CNTNAP2: variants seen among roughly 807,000 people sequenced by gnomAD.
CNTNAP2 encodes contactin associated protein 2, also known as contactin-associated protein-like 2.
Under a neutral mutation model 155.2 loss-of-function variants are expected in CNTNAP2, and 98 were observed. The ratio of observed to expected loss-of-function variants is 0.63; its 90% CI spans 0.54 to 0.75. CNTNAP2 has a LOEUF of 0.75. CNTNAP2 is among the 30% of genes least tolerant of loss of function. The pLI is 0.00. For missense variants in CNTNAP2, 1,727 were observed against 1,688.1 expected, an observed-to-expected ratio of 1.02 and a Z score of -0.40; for synonymous variants, 651 against 631.2, an observed-to-expected ratio of 1.03 and a Z score of -0.47.
In CNTNAP2 at chr7:148,040,841, A is replaced by AT. The variant is rs59433735; in HGVS notation, c.2383+62863dup. 6.3e-3 allele frequency among the ~76,000 whole-genome samples: 940 copies of AT among 149,868 alleles called. 12 individuals carry two copies. Among genetic ancestry groups the AT allele is most frequent in the African/African-American group, 0.021 (877 of 40,910 alleles). ...TAGGTAGGAAATGGAAAGAGAGCAA[A>AT]TTTTTTTTTTTAAGAGGCAGCTGGG... On this transcript the variant is annotated intron_variant, in intron 15 of 23. Transcript: ENST00000361727.
At chr7:148,220,691 T>C (rs1259333066) in intron 19 of CNTNAP2, among the ~76,000 whole-genome samples, 5 of 152,122 alleles carry the variant, frequency 3.3e-5, no homozygotes, top group Non-Finnish European at 5.9e-5. Flanking sequence ...TGGATGATTT[T>C]TTTTTCTCCT....
chr7:147,686,621 T>A (rs1443522421), intron 13 of CNTNAP2, among the ~76,000 whole-genome samples: 1 of 151,856 alleles, frequency 6.6e-6, no homozygotes, highest in Non-Finnish European at 1.5e-5. Context: ...TCATAGTTTG[T>A]AGAGATGAGA....
chr7:146,689,066 C>T (rs1800652664), intron 1 of CNTNAP2, among the ~76,000 whole-genome samples: 1 of 152,112 alleles, frequency 6.6e-6, no homozygotes, highest in African/African-American at 2.4e-5. Flanking sequence ...AAAGTCTCTT[C>T]ATATCAGAAT....
intron 13 of CNTNAP2, among the ~76,000 whole-genome samples, chr7:147,880,323 T>A (rs1799497297): frequency 6.6e-6 from 1 of 152,190 alleles, no homozygotes; most frequent in Non-Finnish European, 1.5e-5. Context: ...TTTGGGCTAT[T>A]AACAGAGGTC....
intron 8 of CNTNAP2, among the ~76,000 whole-genome samples, chr7:147,181,916 G>A (rs1274915929): frequency 2.0e-5 from 3 of 152,026 alleles, no homozygotes. Context: ...CACTAGGTCA[G>A]TAGTTCGAGA....
intron 21 of CNTNAP2, among the ~76,000 whole-genome samples, chr7:148,326,827 T>C (rs1393240254): frequency 6.7e-6 from 1 of 149,066 alleles, no homozygotes; most frequent in African/African-American, 2.5e-5. Flanking sequence ...ATCGTGCCAC[T>C]GCTCTCCAGC....
chr7:148,096,961 T>C (rs1803984977), intron 15 of CNTNAP2, among the ~76,000 whole-genome samples: 1 of 152,148 alleles, frequency 6.6e-6, no homozygotes, highest in East Asian at 1.9e-4. Context: ...CTGACCTTCC[T>C]ATAATATAAA....
chr7:148,182,224 C>T (rs774993755), intron 18 of CNTNAP2, among the ~76,000 whole-genome samples: 5 of 152,138 alleles, frequency 3.3e-5, no homozygotes, highest in Non-Finnish European at 7.3e-5. Flanking sequence ...TTTATCTTTT[C>T]CCACATATTA....
At chr7:147,379,641 T>G (rs1254510315) in intron 9 of CNTNAP2, among the ~76,000 whole-genome samples, 10 of 152,212 alleles carry the variant, frequency 6.6e-5, no homozygotes, top group African/African-American at 2.4e-4. Context: ...TCATTTTTTT[T>G]GGAAAAAGAT....
At chr7:146,607,004 G>T (rs1799058802) in intron 1 of CNTNAP2, among the ~76,000 whole-genome samples, 1 of 152,030 alleles carries the variant, frequency 6.6e-6, no homozygotes, top group Admixed American at 6.6e-5. Flanking sequence ...TTTTTATTTT[G>T]CTATTATGAG....
chr7:146,299,163 T>G (rs1452445645), intron 1 of CNTNAP2, among the ~76,000 whole-genome samples: 1 of 151,860 alleles, frequency 6.6e-6, no homozygotes, highest in Non-Finnish European at 1.5e-5. Context: ...CCCAGCTACT[T>G]GGGAGGGTGA....
intron 1 of CNTNAP2, among the ~76,000 whole-genome samples, chr7:146,322,194 T>C (rs1369473014): frequency 8.5e-5 from 13 of 152,156 alleles, no homozygotes. Flanking sequence ...TCTAGTGACA[T>C]GCATGTTAGG....
intron 1 of CNTNAP2, among the ~76,000 whole-genome samples, chr7:146,451,905 A>T (rs1584931901): frequency 1.1e-5 from 1 of 87,582 alleles, no homozygotes; most frequent in South Asian, 2.5e-4. Flanking sequence ...TTATTTATTT[A>T]TTATTTATTT....
At chr7:146,509,216 A>G (rs768397251) in intron 1 of CNTNAP2, among the ~76,000 whole-genome samples, 5 of 152,126 alleles carry the variant, frequency 3.3e-5, no homozygotes, top group Non-Finnish European at 7.4e-5. Flanking sequence ...AGTTTCTGGT[A>G]TTTCTCTGGC....
At chr7:147,577,483 G>T (rs1014404160) in intron 12 of CNTNAP2, among the ~76,000 whole-genome samples, 1 of 151,696 alleles carries the variant, frequency 6.6e-6, no homozygotes, top group Non-Finnish European at 1.5e-5. Context: ...ACCTTCCATT[G>T]CTCTCTAAAT....
At chr7:147,745,784 C>A (rs1797031425) in intron 13 of CNTNAP2, among the ~76,000 whole-genome samples, 1 of 152,202 alleles carries the variant, frequency 6.6e-6, no homozygotes. Context: ...CAGGGGCATG[C>A]AATGAATCAA....
At chr7:148,213,071 G>A (rs1045530401) in intron 18 of CNTNAP2, among the ~76,000 whole-genome samples, 10 of 152,104 alleles carry the variant, frequency 6.6e-5, no homozygotes, top group African/African-American at 1.9e-4. Context: ...GCTGATAAAC[G>A]CATCATGTCT....
In CNTNAP2 at chr7:147,555,960, A is replaced by T. The variant is rs1485288286; in HGVS notation, c.1778-6178A>T. ...CAATTCATGCCTGTTACTTGTCTTT[A>T]CTCTTAAACCTTTTGCTTTTCTCTT... is the stretch of plus-strand genomic sequence containing the variant. On this transcript the variant is annotated intron_variant, in intron 11 of 23. Coordinates refer to ENST00000361727, the MANE Select transcript of CNTNAP2 (RefSeq NM_014141.6). 4.6e-5 allele frequency among the ~76,000 whole-genome samples: 7 copies of T among 152,082 alleles called. No individual in the cohort carries two copies. In the East Asian group the frequency reaches 1.4e-3, roughly 30 times the overall value.
chr7:147,710,827 T>C (rs1796391199), intron 13 of CNTNAP2, among the ~76,000 whole-genome samples: 1 of 152,198 alleles, frequency 6.6e-6, no homozygotes, highest in South Asian at 2.1e-4. Flanking sequence ...ACTGTGGTTG[T>C]GGACATGCTT....
Sources: allele counts gnomAD v4.1 joint callset (sites outside exome capture counted in the v4.1 genomes callset), GRCh38; gene constraint gnomAD v4.1.1; transcripts MANE v1.5; gene names NCBI Gene and HGNC (gene_info 2026-07-23, HGNC 2026-07-21).